The following RSPH14 variants were observed in gnomAD, a reference collection of about 807,000 sequenced individuals.
RSPH14 encodes radial spoke head 14 homolog.
Under a neutral mutation model 26.7 loss-of-function variants are expected in RSPH14, and 20 were observed. The ratio of observed to expected loss-of-function variants is 0.75; its 90% confidence interval spans 0.53 to 1.09. The LOEUF is 1.09. RSPH14 is among the 50% of genes least tolerant of loss of function. The pLI, the probability that RSPH14 is intolerant of heterozygous loss-of-function variation, is 0.00. For missense variants in RSPH14, 449 were observed against 457.2 expected (o/e 0.98, Z 0.16); for synonymous variants, 177 against 189.3 (o/e 0.93, Z 0.53).
intron 4 of RSPH14, among the ~76,000 whole-genome samples, chr22:23,130,522 AAGAAAGAAAGAG>A (rs2070337927): frequency 6.6e-6 from 1 of 151,474 alleles, no homozygotes. Flanking sequence ...GAAAGAAAGA[AAGAAAGAAAGAG>A]AAAGAAGGAA....
At chr22:23,129,504 TAGA>T (rs1192385129) in intron 4 of RSPH14, among the ~76,000 whole-genome samples, 1 of 151,276 alleles carries the variant, frequency 6.6e-6, no homozygotes, top group East Asian at 1.9e-4. Context: ...TCGTACATTT[TAGA>T]AGAAAATATG....
chr22:23,140,426 C>G lies in RSPH14; in HGVS notation c.-6G>C. ...GAGTTCTGGGAATGGGCCATCTTTCCCCAACTACAGAGGCCTTTCCAAATG... is the reference window on the plus strand; with the variant it reads ...GAGTTCTGGGAATGGGCCATCTTTCGCCAACTACAGAGGCCTTTCCAAATG... On this transcript the variant is annotated 5_prime_UTR_variant, in exon 2 of 7. Transcript: ENST00000216036. 1 of 1,613,852 alleles carries G rather than the reference C, an allele frequency of 6.2e-7. No individual in the cohort carries two copies. The highest frequency in any genetic ancestry group is 1.1e-5 in the South Asian group (1 of 90,992).
intron 4 of RSPH14, among the ~76,000 whole-genome samples, chr22:23,098,081 C>T (rs1296518041): frequency 2.0e-5 from 3 of 152,276 alleles, no homozygotes; most frequent in African/African-American, 7.2e-5. Flanking sequence ...GGTGTCTTCA[C>T]AGATGGGCCC....
chr22:23,164,997 C>T, the RSPH14 span, among the ~76,000 whole-genome samples: 1 of 151,748 alleles, frequency 6.6e-6, no homozygotes, highest in Non-Finnish European at 1.5e-5. Flanking sequence ...GGCTGGGACA[C>T]CCCTACTCCC....
At chr22:23,142,070 A>G (rs2070615816), upstream of RSPH14, 1 of 983,234 alleles carries the variant, frequency 1.0e-6, no homozygotes, top group Non-Finnish European at 1.2e-6. Flanking sequence ...CGACATAATC[A>G]GCACCCACTG....
chr22:23,173,890 A>G, the RSPH14 span, among the ~76,000 whole-genome samples: 5 of 151,804 alleles, frequency 3.3e-5, no homozygotes, highest in African/African-American at 1.2e-4. Flanking sequence ...TCATATTTTT[A>G]GTAGAGACAG....
At chr22:23,095,563 C>A in intron 4 of RSPH14, 1 of 987,906 alleles carries the variant, frequency 1.0e-6, no homozygotes, top group Non-Finnish European at 1.5e-6. Flanking sequence ...TGTGGCTCGG[C>A]CTCACCCCCC....
chr22:23,136,432 C>T (rs919958663), intron 3 of RSPH14: 1 of 536,546 alleles, frequency 1.9e-6, no homozygotes, highest in Non-Finnish European at 3.5e-6. Context: ...CACCACTGAC[C>T]TCAAGGGAAA....
chr22:23,121,018 A>G (rs752904253), intron 4 of RSPH14, among the ~76,000 whole-genome samples: 1 of 152,196 alleles, frequency 6.6e-6, no homozygotes, highest in Non-Finnish European at 1.5e-5. Context: ...CCAGGAATCC[A>G]TTAGAGCTAA....
At chr22:23,111,160 G>A (rs573558125) in intron 4 of RSPH14, among the ~76,000 whole-genome samples, 1 of 152,334 alleles carries the variant, frequency 6.6e-6, no homozygotes, top group East Asian at 1.9e-4. Flanking sequence ...CTGCCGGGGA[G>A]TGGCCTCACT....
At chr22:23,110,679 T>C (rs1254690539) in intron 4 of RSPH14, among the ~76,000 whole-genome samples, 2 of 152,256 alleles carry the variant, frequency 1.3e-5, no homozygotes. Flanking sequence ...ACTGGTCTGC[T>C]GTGGTGTGAG....
At chr22:23,170,941 C>G in the RSPH14 span, among the ~76,000 whole-genome samples, 47,385 of 151,654 alleles carry the variant, frequency 0.31, 7,897 homozygotes, top group East Asian at 0.6. Flanking sequence ...CTGATTGGCA[C>G]AGAAGTTTTA....
At chr22:23,133,140 T>C (rs554437223) in intron 4 of RSPH14, 1 of 152,300 alleles carries the variant, frequency 6.6e-6, no homozygotes, top group South Asian at 2.1e-4. Context: ...TCAAAAGACA[T>C]TTATAAGGGT....
At chr22:23,146,131 C>T (rs983321827), upstream of RSPH14, 2 of 502,248 alleles carry the variant, frequency 4.0e-6, no homozygotes, top group East Asian at 3.0e-4. Context: ...TTCCCCCATA[C>T]CATGCTGCCT....
intron 4 of RSPH14, among the ~76,000 whole-genome samples, chr22:23,091,527 T>C (rs1389762771): frequency 7.2e-6 from 1 of 138,522 alleles, no homozygotes; most frequent in East Asian, 2.2e-4. Context: ...CACACCGCAA[T>C]AGACCTACAC....
chr22:23,157,931 G>A, the RSPH14 span: 3 of 1,609,314 alleles, frequency 1.9e-6, no homozygotes, highest in Non-Finnish European at 2.5e-6. Flanking sequence ...CACCTCCTGG[G>A]GAGCCCCCTT....
intron 4 of RSPH14, among the ~76,000 whole-genome samples, chr22:23,085,075 A>G (rs1204191888): frequency 1.3e-5 from 2 of 152,160 alleles, no homozygotes; most frequent in Non-Finnish European, 2.9e-5. Flanking sequence ...GGCAGCTCTC[A>G]GGCTGGAACC....
Position 23,110,949 on chromosome 22 carries a change from C to T in RSPH14, c.421+23077G>A, listed in dbSNP as rs527886403. ...ACCATGTTGTCTGTCCTCTTGTCCA[C>T]TTGGGGTCAGCGACGATTCCATCTA... On this transcript the variant is annotated intron_variant, in intron 4 of 6. Transcript: ENST00000216036. 4.6e-4 allele frequency among the ~76,000 whole-genome samples: 70 copies of T among 152,348 alleles called. 1 individual carries two copies. The highest frequency in any genetic ancestry group is 1.5e-5 in the Non-Finnish European group (1 of 68,036).
rs373235454 is a variant in RSPH14 at position 23,108,152 on chromosome 22, A to G, written c.421+25874T>C. Among the ~76,000 whole-genome samples the G allele has an allele frequency of 4.7e-4, 72 of 152,328 alleles. 1 individual carries two copies. The East Asian group carries it at 0.01, about 22-fold the overall frequency. On this transcript the variant is annotated intron_variant, in intron 4 of 6. Transcript: ENST00000216036. ...CACACAGGTGGGGAGCAGCCAGGCA[A>G]TCCCAACCCCTGCCCCTGTACACAG...
Sources: allele counts gnomAD v4.1 joint callset (sites outside exome capture counted in the v4.1 genomes callset), GRCh38; gene constraint gnomAD v4.1.1; transcripts MANE v1.5; gene names NCBI Gene and HGNC (gene_info 2026-07-23, HGNC 2026-07-21).